Variants in DSCAM observed in about 807,000 individuals in gnomAD.
DSCAM encodes the protein DS cell adhesion molecule.
In DSCAM, 47 loss-of-function variants were observed where a neutral mutation model predicts 217.7. That is an observed-to-expected ratio of 0.22 (90% confidence interval 0.17 to 0.28). DSCAM has a LOEUF of 0.28. DSCAM is among the 10% of genes least tolerant of loss of function. The pLI is 1.00. For synonymous variants in DSCAM, 1,056 were observed against 1,015.3 expected (o/e 1.04, Z -0.76); for missense variants, 2,080 against 2,618.3 (o/e 0.79, Z 4.49).
rs771732159 is a variant in DSCAM at position 40,142,644 on chromosome 21, A to G, written c.3320T>C (p.Ile1107Thr). The change falls in exon 18 of 33, where the codon ATA (isoleucine) becomes ACA (threonine). Residue 1107 changes from isoleucine (I) to threonine (T), a missense_variant. Transcript: ENST00000400454. ...TTCCTTGGAAAGTGTGGACCAGGAT[A>G]TTGATATGCTTTCTGGTGATGTTGC... is the stretch of plus-strand genomic sequence containing the variant. ...AIATSPESISISWSTLSKEAL... is the reference protein window; with the variant it reads ...AIATSPESISTSWSTLSKEAL... 1 of 1,614,196 alleles carries G rather than the reference A, an allele frequency of 6.2e-7. No individual in the cohort carries two copies. Among genetic ancestry groups the G allele is most frequent in the South Asian group, 1.1e-5 (1 of 91,080 alleles).
intron 20 of DSCAM, among the ~76,000 whole-genome samples, chr21:40,095,848 T>C (rs1284659305): frequency 3.3e-5 from 5 of 152,246 alleles, no homozygotes; most frequent in Admixed American, 6.5e-5. Context: ...TATAACTGTA[T>C]ATGTTCAAAA....
intron 29 of DSCAM, among the ~76,000 whole-genome samples, chr21:40,054,201 T>C (rs1396839807): frequency 1.3e-5 from 2 of 152,202 alleles, no homozygotes; most frequent in African/African-American, 4.8e-5. Context: ...CAAAACATAG[T>C]AGCTTATCCC....
intron 11 of DSCAM, among the ~76,000 whole-genome samples, chr21:40,204,626 A>C (rs1242640469): frequency 6.6e-6 from 1 of 152,216 alleles, no homozygotes; most frequent in Non-Finnish European, 1.5e-5. Flanking sequence ...ATGGTTTTGC[A>C]GATAGAAAAG....
chr21:40,470,494 A>G (rs1205244088), intron 3 of DSCAM, among the ~76,000 whole-genome samples: 1 of 152,178 alleles, frequency 6.6e-6, no homozygotes, highest in Admixed American at 6.5e-5. Context: ...AGCGCCTTCA[A>G]CTGAACAGCA....
intron 20 of DSCAM, among the ~76,000 whole-genome samples, chr21:40,108,480 C>A (rs1028646112): frequency 3.3e-5 from 5 of 152,152 alleles, no homozygotes; most frequent in African/African-American, 7.2e-5. Context: ...GAACTACAAA[C>A]TACTGCTCAA....
chr21:40,151,911 T>G (rs1199200498), intron 16 of DSCAM, among the ~76,000 whole-genome samples: 1 of 152,198 alleles, frequency 6.6e-6, no homozygotes, highest in Non-Finnish European at 1.5e-5. Context: ...AAATAGCTTC[T>G]GATGAGCCAA....
intron 1 of DSCAM, among the ~76,000 whole-genome samples, chr21:40,766,687 A>AC (rs2091394884): frequency 8.6e-6 from 1 of 115,624 alleles, no homozygotes; most frequent in Admixed American, 1.2e-4. Context: ...AAAAAAAAAA[A>AC]ACAACTTTTT....
chr21:40,707,416 A>G (rs1488246395), intron 2 of DSCAM, among the ~76,000 whole-genome samples: 1 of 152,186 alleles, frequency 6.6e-6, no homozygotes. Context: ...ATTCATGAGC[A>G]TGTCACAAAG....
At chr21:40,816,980 T>C (rs1446988042) in intron 1 of DSCAM, among the ~76,000 whole-genome samples, 1 of 152,206 alleles carries the variant, frequency 6.6e-6, no homozygotes, top group Non-Finnish European at 1.5e-5. Flanking sequence ...GTGAATTTCA[T>C]AGCCTTTAAA....
intron 3 of DSCAM, among the ~76,000 whole-genome samples, chr21:40,601,353 T>C (rs1045009530): frequency 3.3e-5 from 5 of 152,234 alleles, no homozygotes; most frequent in African/African-American, 1.2e-4. Flanking sequence ...GACTTTCATA[T>C]ATTAGTCTTG....
intron 1 of DSCAM, among the ~76,000 whole-genome samples, chr21:40,759,762 C>T (rs1008773399): frequency 3.3e-5 from 5 of 152,168 alleles, no homozygotes; most frequent in African/African-American, 1.2e-4. Context: ...CTGCCCCTGG[C>T]AGCAGTCATT....
intron 10 of DSCAM, among the ~76,000 whole-genome samples, chr21:40,282,802 A>G (rs949435489): frequency 6.6e-6 from 1 of 152,136 alleles, no homozygotes; most frequent in African/African-American, 2.4e-5. Context: ...TTTATATTAA[A>G]GAATCACAAC....
intron 1 of DSCAM, among the ~76,000 whole-genome samples, chr21:40,776,445 T>A (rs1470056960): frequency 6.6e-6 from 1 of 152,130 alleles, no homozygotes; most frequent in Non-Finnish European, 1.5e-5. Context: ...ACAACTTTGA[T>A]AAGTACTACA....
intron 9 of DSCAM, among the ~76,000 whole-genome samples, chr21:40,309,481 C>T (rs972033581): frequency 3.9e-5 from 6 of 152,238 alleles, no homozygotes; most frequent in Middle Eastern, 3.4e-3. Flanking sequence ...TTTCCCTCTT[C>T]GTCTCTTCTG....
rs111974945 is a variant in DSCAM at position 40,204,561 on chromosome 21, G to T, written c.2357-15323C>A. Among the ~76,000 whole-genome samples the T allele has an allele frequency of 8.6e-3, 1,302 of 152,246 alleles. 14 individuals carry two copies. The highest frequency in any genetic ancestry group is 0.03 in the African/African-American group (1,266 of 41,528). ...TCTATAACCTTGGCCTATTTTATAG[G>T]TTTGTGGAAGGGACAACTGACTTAG... On this transcript the variant is annotated intron_variant, in intron 11 of 32. Coordinates refer to ENST00000400454, the MANE Select transcript of DSCAM (RefSeq NM_001389.5).
intron 18 of DSCAM, among the ~76,000 whole-genome samples, chr21:40,136,699 T>C (rs1372313706): frequency 6.6e-6 from 1 of 152,104 alleles, no homozygotes; most frequent in Non-Finnish European, 1.5e-5. Flanking sequence ...GGTCTTTTTT[T>C]CCCAAGAGTG....
chr21:40,203,511 A>G (rs568283038), intron 11 of DSCAM, among the ~76,000 whole-genome samples: 9 of 152,328 alleles, frequency 5.9e-5, no homozygotes, highest in Admixed American at 3.3e-4. Context: ...CCCTGCGTGC[A>G]TATTGCAGAA....
chr21:40,681,755 C>T (rs2090403230), intron 3 of DSCAM, among the ~76,000 whole-genome samples: 1 of 152,122 alleles, frequency 6.6e-6, no homozygotes, highest in Non-Finnish European at 1.5e-5. Flanking sequence ...GGCCCTTCAT[C>T]CAATATGACT....
In DSCAM at chr21:40,204,759, T is replaced by C. The variant is rs73366205; in HGVS notation, c.2357-15521A>G. Among the ~76,000 whole-genome samples, 1,307 of 152,310 alleles carry C rather than the reference T, an allele frequency of 8.6e-3. 15 individuals carry two copies. The highest frequency in any genetic ancestry group is 0.031 in the African/African-American group (1,271 of 41,562). On this transcript the variant is annotated intron_variant, in intron 11 of 32. Coordinates refer to ENST00000400454, the MANE Select transcript of DSCAM (RefSeq NM_001389.5). ...TGTAACTGAACTGTAGTATTAATGA[T>C]ACAAAGAGATGGAGGTCGTATCCTA...
Sources: gnomAD v4.1 joint callset for allele counts (sites outside exome capture counted in the v4.1 genomes callset) on GRCh38, gnomAD v4.1.1 for gene constraint, MANE v1.5 for transcripts, NCBI Gene and HGNC (gene_info 2026-07-23, HGNC 2026-07-21) for gene names.